The following SOBP variants were observed in gnomAD, a reference collection of about 807,000 sequenced individuals.
SOBP encodes the protein sine oculis binding protein homolog.
A neutral mutation model predicts 53.6 loss-of-function variants in SOBP; 4 were observed. The ratio of observed to expected loss-of-function variants is 0.07; its 90% CI spans 0.04 to 0.17. The LOEUF (loss-of-function observed/expected upper bound fraction) is 0.17. Ranked by LOEUF, SOBP falls within the 10% of genes least tolerant of loss-of-function variation. The pLI, the probability that SOBP is intolerant of heterozygous loss-of-function variation, is 1.00. For missense variants in SOBP, 1,088 were observed against 1,204.7 expected, an observed-to-expected ratio of 0.90 and a Z score of 1.43; for synonymous variants, 584 against 522.6, an observed-to-expected ratio of 1.12 and a Z score of -1.60.
chr6:107,523,902 T>C (rs1373695096), intron 3 of SOBP, among the ~76,000 whole-genome samples: 3 of 152,240 alleles, frequency 2.0e-5, no homozygotes, highest in African/African-American at 7.2e-5. Flanking sequence ...TTAGTGTCCA[T>C]GCGTGTCTTG....
At chr6:107,510,408 A>G (rs1783135892) in intron 3 of SOBP, 1 of 152,224 alleles carries the variant, frequency 6.6e-6, no homozygotes, top group African/African-American at 2.4e-5. Context: ...GGGCAGGAAA[A>G]TAGTGAGTTT....
At chr6:107,534,604 A>G (rs969827626) in intron 4 of SOBP, among the ~76,000 whole-genome samples, 1 of 152,210 alleles carries the variant, frequency 6.6e-6, no homozygotes, top group Non-Finnish European at 1.5e-5. Flanking sequence ...GGCTCACTGC[A>G]TTGCAGGCAC....
intron 4 of SOBP, among the ~76,000 whole-genome samples, chr6:107,537,543 G>A (rs994575679): frequency 2.6e-5 from 4 of 152,246 alleles, no homozygotes; most frequent in East Asian, 3.9e-4. Context: ...TTGAAAGGCC[G>A]GGCGCCATGG....
chr6:107,508,824 G>A (rs1172825489), intron 3 of SOBP, among the ~76,000 whole-genome samples: 1 of 152,174 alleles, frequency 6.6e-6, no homozygotes, highest in East Asian at 1.9e-4. Flanking sequence ...GGGAAAAAAA[G>A]GGTAACTAAT....
rs1782536599 is a variant in SOBP at position 107,490,175 on chromosome 6, C to T, written c.-442C>T. The T allele has an allele frequency of 6.7e-6, 1 of 149,286 alleles. No homozygotes were observed. Among genetic ancestry groups the T allele is most frequent in the African/African-American group, 2.4e-5 (1 of 41,038 alleles). 9.2% of individuals were successfully genotyped at this position (149,286 alleles called of 1,614,324 possible). A position where few individuals can be genotyped will look rare whatever the true frequency, so the allele number is the denominator to read the frequency against. ...CGCCCGGGGCCGCTCTCCGCGCCGGCCCTTGCTCCCCGCGCCCATGCGGAC... is the reference window on the plus strand; with the variant it reads ...CGCCCGGGGCCGCTCTCCGCGCCGGTCCTTGCTCCCCGCGCCCATGCGGAC... On this transcript the variant is annotated 5_prime_UTR_variant, in exon 1 of 7. Transcript: ENST00000317357.
At chr6:107,519,487 C>G (rs979099407) in intron 3 of SOBP, among the ~76,000 whole-genome samples, 1 of 152,110 alleles carries the variant, frequency 6.6e-6, no homozygotes, top group African/African-American at 2.4e-5. Context: ...CCAGCTTGGG[C>G]GTGTGCATTC....
chr6:107,558,803 A>G (rs1172046386), intron 4 of SOBP, among the ~76,000 whole-genome samples: 1 of 152,082 alleles, frequency 6.6e-6, no homozygotes, highest in Non-Finnish European at 1.5e-5. Flanking sequence ...AAGTTATTCT[A>G]GTGATATTAA....
Position 107,530,809 on chromosome 6 carries a change from A to C in SOBP, c.422-2650A>C, listed in dbSNP as rs1221701390. Reference sequence around the variant, plus strand: ...AAGTTTTTCCAGCAGCCAGATATAAAAGTGCACAATGTATTTGGTCTCATG... The same window carrying C: ...AAGTTTTTCCAGCAGCCAGATATAACAGTGCACAATGTATTTGGTCTCATG... On this transcript the variant is annotated intron_variant, in intron 3 of 6. Coordinates refer to ENST00000317357, the MANE Select transcript of SOBP (RefSeq NM_018013.4). Among the ~76,000 whole-genome samples the C allele has an allele frequency of 8.5e-5, 13 of 152,350 alleles. 1 individual carries two copies. The East Asian group carries it at 2.5e-3, about 29-fold the overall frequency.
At chr6:107,521,967 A>AAC (rs1783512445) in intron 3 of SOBP, among the ~76,000 whole-genome samples, 2 of 140,144 alleles carry the variant, frequency 1.4e-5, no homozygotes, top group African/African-American at 5.5e-5. Context: ...CACAAACTCA[A>AAC]TCAAGTCTGA....
At chr6:107,531,168 T>G (rs1783813508) in intron 3 of SOBP, among the ~76,000 whole-genome samples, 1 of 152,246 alleles carries the variant, frequency 6.6e-6, no homozygotes, top group African/African-American at 2.4e-5. Context: ...ATGCTTTGTT[T>G]CCCAAATCAG....
intron 4 of SOBP, among the ~76,000 whole-genome samples, chr6:107,537,856 A>G (rs1235649001): frequency 2.6e-5 from 4 of 152,086 alleles, no homozygotes; most frequent in Admixed American, 6.6e-5. Flanking sequence ...TACTTCTTCA[A>G]TATCATGATA....
intron 5 of SOBP, among the ~76,000 whole-genome samples, chr6:107,629,558 A>T (rs1583289105): frequency 6.6e-6 from 1 of 152,254 alleles, no homozygotes; most frequent in East Asian, 1.9e-4. Flanking sequence ...CTCAGTTGCC[A>T]ACATGAATAG....
intron 2 of SOBP, among the ~76,000 whole-genome samples, chr6:107,504,435 C>T (rs1371117049): frequency 6.6e-6 from 1 of 152,178 alleles, no homozygotes. Context: ...TGAATTAACA[C>T]TGATTCTACC....
chr6:107,659,156 C>A lies in SOBP; in HGVS notation c.*953C>A, dbSNP rs961056988. The A allele has an allele frequency of 2.6e-5, 4 of 152,516 alleles. No individual in the cohort carries two copies. Among genetic ancestry groups the A allele is most frequent in the Admixed American group, 6.6e-5 (1 of 15,264 alleles). 9.4% of individuals were successfully genotyped at this position (152,516 alleles called of 1,614,324 possible). A position where few individuals can be genotyped will look rare whatever the true frequency, so the allele number is the denominator to read the frequency against. ...TCAACCCTGATGGTTTTCGGTGATC[C>A]AGGAAGTCAGTGAGACAATCTCTCT... On this transcript the variant is annotated 3_prime_UTR_variant, in exon 7 of 7. Transcript: ENST00000317357.
intron 5 of SOBP, among the ~76,000 whole-genome samples, chr6:107,623,992 TG>T: frequency 6.6e-6 from 1 of 151,786 alleles, no homozygotes; most frequent in Admixed American, 6.7e-5. Flanking sequence ...TTTACAAGTT[TG>T]TTGCCAGAAT....
At chr6:107,569,513 T>A (rs1785009339) in intron 4 of SOBP, among the ~76,000 whole-genome samples, 1 of 152,182 alleles carries the variant, frequency 6.6e-6, no homozygotes, top group Non-Finnish European at 1.5e-5. Flanking sequence ...TTTGTTGCAA[T>A]GAGTGTGAAG....
chr6:107,577,299 C>T (rs1428371514), intron 4 of SOBP, among the ~76,000 whole-genome samples: 2 of 152,270 alleles, frequency 1.3e-5, no homozygotes, highest in Non-Finnish European at 2.9e-5. Flanking sequence ...CTCAGAGCTA[C>T]ATTATTGTAC....
At chr6:107,606,324 G>A (rs12524319) in intron 5 of SOBP, among the ~76,000 whole-genome samples, 31,718 of 151,762 alleles carry the variant, frequency 0.21, 3,807 homozygotes, top group East Asian at 0.42. Context: ...TGATCCACCC[G>A]CCTTGGCCTC....
intron 4 of SOBP, among the ~76,000 whole-genome samples, chr6:107,564,799 A>G (rs6940398): frequency 0.58 from 88,492 of 152,128 alleles, 29,225 homozygotes; most frequent in East Asian, 0.9. Flanking sequence ...GGGAGCCAAA[A>G]TTTAAGGCAA....
Sources: gnomAD v4.1 joint callset for allele counts (sites outside exome capture counted in the v4.1 genomes callset) on GRCh38, gnomAD v4.1.1 for gene constraint, MANE v1.5 for transcripts, NCBI Gene and HGNC (gene_info 2026-07-23, HGNC 2026-07-21) for gene names.